DIAPH3: variants seen among roughly 807,000 people sequenced by gnomAD.
The protein encoded by DIAPH3 is diaphanous related formin 3.
In DIAPH3, 117 loss-of-function variants were observed where a neutral mutation model predicts 144.3. The observed-to-expected ratio is 0.81, with a 90% CI of 0.70 to 0.95. The LOEUF is 0.95. Among genes scored for constraint, DIAPH3 ranks in the 40% least tolerant of loss-of-function variants. The pLI is 0.00. For missense variants in DIAPH3, 1,421 were observed against 1,412.7 expected, an observed-to-expected ratio of 1.01 and a Z score of -0.09; for synonymous variants, 519 against 488.9, an observed-to-expected ratio of 1.06 and a Z score of -0.81.
At chr13:59,821,971 C>T (rs775133158) in intron 24 of DIAPH3, among the ~76,000 whole-genome samples, 6 of 152,134 alleles carry the variant, frequency 3.9e-5, no homozygotes, top group African/African-American at 7.2e-5. Context: ...GCTTAAGTTG[C>T]TATTTGTTGT....
chr13:60,063,600 G>A (rs1479814088), intron 4 of DIAPH3, among the ~76,000 whole-genome samples: 2 of 152,110 alleles, frequency 1.3e-5, no homozygotes, highest in Non-Finnish European at 2.9e-5. Context: ...TCCATGGGAT[G>A]CAGAATGGAT....
intron 9 of DIAPH3, among the ~76,000 whole-genome samples, chr13:60,004,476 T>C (rs959386996): frequency 1.3e-5 from 2 of 152,216 alleles, no homozygotes; most frequent in Non-Finnish European, 2.9e-5. Flanking sequence ...ATGGTATCTT[T>C]TACTCTGAAG....
chr13:59,991,019 A>G (rs2051773455), intron 12 of DIAPH3, 139 bp downstream of exon 12: 2 of 615,596 alleles, frequency 3.2e-6, no homozygotes, highest in Non-Finnish European at 2.8e-6. Flanking sequence ...ATATGCCCAG[A>G]GAAAACAACA....
intron 17 of DIAPH3, among the ~76,000 whole-genome samples, chr13:59,929,377 G>C (rs7335899): frequency 0.24 from 36,433 of 151,760 alleles, 5,397 homozygotes; most frequent in Admixed American, 0.38. Context: ...GTTACACTTT[G>C]ATCATATAAT....
chr13:59,675,120 C>T (rs972143981), intron 27 of DIAPH3, among the ~76,000 whole-genome samples: 7 of 152,044 alleles, frequency 4.6e-5, no homozygotes, highest in Admixed American at 1.3e-4. Flanking sequence ...GGCTGGAATG[C>T]GATGGTGCCA....
chr13:59,712,254 T>C (rs940893847), intron 27 of DIAPH3, among the ~76,000 whole-genome samples: 39 of 152,224 alleles, frequency 2.6e-4, no homozygotes, highest in African/African-American at 9.2e-4. Flanking sequence ...AACAACCTTC[T>C]AGTTCTCCAA....
chr13:59,925,066 G>T (rs2047690061), intron 17 of DIAPH3, among the ~76,000 whole-genome samples, 196 bp from the exon 18 acceptor site: 2 of 152,040 alleles, frequency 1.3e-5, no homozygotes, highest in African/African-American at 2.4e-5. Context: ...TTATGCCAGA[G>T]AAACTATGGA....
chr13:59,683,854 A>G (rs2033074085), intron 27 of DIAPH3, among the ~76,000 whole-genome samples: 2 of 152,190 alleles, frequency 1.3e-5, no homozygotes. Context: ...CTAAGAGATT[A>G]GTGTTCCAGT....
intron 27 of DIAPH3, among the ~76,000 whole-genome samples, chr13:59,667,091 C>T (rs1029036587): frequency 2.6e-5 from 4 of 152,192 alleles, no homozygotes; most frequent in Non-Finnish European, 5.9e-5. Context: ...TTCCTTTATG[C>T]CTGACATGCC....
At chr13:60,041,248 T>C (rs1594474538) in intron 5 of DIAPH3, among the ~76,000 whole-genome samples, 1 of 152,212 alleles carries the variant, frequency 6.6e-6, no homozygotes, top group East Asian at 1.9e-4. Context: ...TTTCTAACAC[T>C]AGCCAAGGTA....
chr13:59,778,328 C>A (rs542676281), intron 25 of DIAPH3, among the ~76,000 whole-genome samples: 1 of 152,300 alleles, frequency 6.6e-6, no homozygotes, highest in South Asian at 2.1e-4. Context: ...CTTTCTACCA[C>A]TAAACCACGA....
chr13:59,989,208 A>C (rs2140792288), intron 12 of DIAPH3, among the ~76,000 whole-genome samples: 1 of 151,920 alleles, frequency 6.6e-6, no homozygotes, highest in African/African-American at 2.4e-5. Context: ...CAAAAAATGA[A>C]GGTAAAAACC....
At chr13:60,082,794 A>G (rs1211030732) in intron 4 of DIAPH3, among the ~76,000 whole-genome samples, 5 of 151,570 alleles carry the variant, frequency 3.3e-5, no homozygotes, top group South Asian at 2.1e-4. Flanking sequence ...GCATTCAAAT[A>G]TAGTTACTAA....
intron 17 of DIAPH3, among the ~76,000 whole-genome samples, chr13:59,931,200 G>A (rs960436989): frequency 6.6e-6 from 1 of 152,276 alleles, no homozygotes; most frequent in South Asian, 2.1e-4. Flanking sequence ...AGTGAATCTA[G>A]TCGATTCTAA....
intron 3 of DIAPH3, among the ~76,000 whole-genome samples, chr13:60,097,564 CCT>C (rs2058142398): frequency 6.6e-6 from 1 of 152,128 alleles, no homozygotes; most frequent in Non-Finnish European, 1.5e-5. Context: ...GCCAAATAAA[CCT>C]CTTTTTTAAA....
At chr13:59,793,450 C>T (rs971112154) in intron 25 of DIAPH3, among the ~76,000 whole-genome samples, 8 of 152,166 alleles carry the variant, frequency 5.3e-5, no homozygotes, top group Non-Finnish European at 8.8e-5. Flanking sequence ...TAACTCTTTA[C>T]GCTATTCTTT....
At chr13:59,791,732 C>G (rs1244481951) in intron 25 of DIAPH3, among the ~76,000 whole-genome samples, 2 of 152,186 alleles carry the variant, frequency 1.3e-5, no homozygotes, top group South Asian at 2.1e-4. Flanking sequence ...CAGGCAAGCA[C>G]AAGCTCGTTT....
chr13:60,014,180 A>AT (rs900778660), intron 7 of DIAPH3, among the ~76,000 whole-genome samples: 9 of 152,162 alleles, frequency 5.9e-5, no homozygotes, highest in Admixed American at 4.6e-4. Context: ...AAGTTCCTAG[A>AT]TTTTTTCTAC....
At chr13:59,882,145 G>C (rs1422654750) in intron 20 of DIAPH3, among the ~76,000 whole-genome samples, 1 of 152,110 alleles carries the variant, frequency 6.6e-6, no homozygotes, top group Non-Finnish European at 1.5e-5. Context: ...CTGGAGTGCA[G>C]TGGCACAATC....
Sources: allele counts gnomAD v4.1 joint callset (sites outside exome capture counted in the v4.1 genomes callset), GRCh38; gene constraint gnomAD v4.1.1; transcripts MANE v1.5; gene names NCBI Gene and HGNC (gene_info 2026-07-23, HGNC 2026-07-21).